Variants in PRIM2 observed in about 807,000 individuals in gnomAD.
PRIM2 encodes DNA primase subunit 2.
Under a neutral mutation model 67.3 loss-of-function variants are expected in PRIM2, and 39 were observed. The observed-to-expected ratio is 0.58, with a 90% CI of 0.45 to 0.76. PRIM2 has a LOEUF of 0.76. PRIM2 is among the 30% of genes least tolerant of loss of function. PRIM2 has a pLI of 0.00. For missense variants in PRIM2, 398 were observed against 598.7 expected (o/e 0.66, Z 3.50); for synonymous variants, 143 against 198.7 (o/e 0.72, Z 2.36).
At chr6:57,236,614 G>A in the PRIM2 span, among the ~76,000 whole-genome samples, 1 of 151,454 alleles carries the variant, frequency 6.6e-6, no homozygotes, top group South Asian at 2.1e-4. Context: ...CCCTTCCTGT[G>A]TCCAGGTGTT....
the PRIM2 span, among the ~76,000 whole-genome samples, chr6:57,279,925 C>T: frequency 3.9e-5 from 6 of 152,102 alleles, no homozygotes; most frequent in African/African-American, 1.4e-4. Context: ...GAGGAATTTC[C>T]AGACTGAAGA....
chr6:57,266,574 A>G, the PRIM2 span, among the ~76,000 whole-genome samples: 1 of 152,208 alleles, frequency 6.6e-6, no homozygotes, highest in Non-Finnish European at 1.5e-5. Context: ...TCATTTAACC[A>G]TGTGGATAAT....
chr6:57,516,359 C>T (rs1353881311), intron 8 of PRIM2, among the ~76,000 whole-genome samples: 1 of 152,128 alleles, frequency 6.6e-6, no homozygotes, highest in Admixed American at 6.6e-5. Context: ...GGAGTGAAAA[C>T]AGCTTTTTGT....
intron 11 of PRIM2, 136 bp from the exon 12 acceptor site, chr6:57,606,239 C>T (rs1377173319): frequency 7.6e-6 from 5 of 654,714 alleles, no homozygotes; most frequent in South Asian, 1.9e-5. Flanking sequence ...GCAGTTGCAC[C>T]CATGGGCAAT....
the PRIM2 span, among the ~76,000 whole-genome samples, chr6:57,294,897 C>T: frequency 2.6e-5 from 4 of 151,826 alleles, no homozygotes; most frequent in African/African-American, 9.7e-5. Flanking sequence ...GCAACCTCCA[C>T]CTCCCGGATT....
intron 8 of PRIM2, among the ~76,000 whole-genome samples, chr6:57,525,938 G>GT (rs1337621447): frequency 1.3e-5 from 2 of 152,074 alleles, no homozygotes; most frequent in Non-Finnish European, 2.9e-5. Flanking sequence ...TGTGTGTGGT[G>GT]TTTTTTTATT....
intron 10 of PRIM2, among the ~76,000 whole-genome samples, chr6:57,572,164 A>T (rs1255368854): frequency 2.0e-5 from 3 of 152,198 alleles, no homozygotes; most frequent in Non-Finnish European, 4.4e-5. Flanking sequence ...CTTTAAGGGA[A>T]GAAAAAGTTT....
chr6:57,416,605 A>G (rs1459369913), intron 7 of PRIM2, among the ~76,000 whole-genome samples: 2 of 152,182 alleles, frequency 1.3e-5, no homozygotes, highest in Non-Finnish European at 2.9e-5. Context: ...TTCTTCCAGT[A>G]TTAGGCAGTT....
At chr6:57,590,597 G>T (rs1776267112) in intron 10 of PRIM2, among the ~76,000 whole-genome samples, 2 of 152,152 alleles carry the variant, frequency 1.3e-5, no homozygotes, top group African/African-American at 4.8e-5. Flanking sequence ...AGGGTGATAA[G>T]ATACCAAGGG....
At chr6:57,251,092 CTGTT>C in the PRIM2 span, among the ~76,000 whole-genome samples, 10 of 152,092 alleles carry the variant, frequency 6.6e-5, no homozygotes, top group Admixed American at 6.6e-4. Context: ...GTCTTCTTTT[CTGTT>C]TCTTTCCTAC....
At chr6:57,481,070 G>T (rs1266832996) in intron 7 of PRIM2, among the ~76,000 whole-genome samples, 1 of 152,166 alleles carries the variant, frequency 6.6e-6, no homozygotes, top group East Asian at 1.9e-4. Flanking sequence ...CACTCAGTTT[G>T]CCCGAGTGGT....
the PRIM2 span, among the ~76,000 whole-genome samples, chr6:57,267,754 T>G: frequency 5.3e-5 from 8 of 150,138 alleles, no homozygotes; most frequent in East Asian, 1.4e-3. Flanking sequence ...ACAAAAAAAT[T>G]TTAAAATTAG....
intron 12 of PRIM2, among the ~76,000 whole-genome samples, chr6:57,627,199 G>C (rs1432303689): frequency 2.2e-5 from 3 of 133,886 alleles, no homozygotes; most frequent in African/African-American, 8.3e-5. Context: ...AGAATCACTT[G>C]AACCCGGGAG....
At chr6:57,621,465 T>C (rs1264950060) in intron 12 of PRIM2, among the ~76,000 whole-genome samples, 1 of 149,024 alleles carries the variant, frequency 6.7e-6, no homozygotes, top group Non-Finnish European at 1.5e-5. Flanking sequence ...TTCCCATCAC[T>C]TTTTTTTTTG....
chr6:57,299,214 G>A, the PRIM2 span, among the ~76,000 whole-genome samples: 37 of 152,106 alleles, frequency 2.4e-4, no homozygotes, highest in South Asian at 1.0e-3. Flanking sequence ...GTATTATCTC[G>A]ATGAGTGGTT....
chr6:57,553,904 G>A (rs1357258612), intron 10 of PRIM2, among the ~76,000 whole-genome samples: 8 of 152,106 alleles, frequency 5.3e-5, no homozygotes, highest in Non-Finnish European at 8.8e-5. Flanking sequence ...GGGACAAGAT[G>A]ATTTCCCCAA....
intron 7 of PRIM2, among the ~76,000 whole-genome samples, chr6:57,427,850 T>A (rs1771683523): frequency 6.6e-6 from 1 of 152,180 alleles, no homozygotes; most frequent in Non-Finnish European, 1.5e-5. Flanking sequence ...AGTTTGTATA[T>A]TGTAATGCTG....
chr6:57,272,977 G>A, the PRIM2 span, among the ~76,000 whole-genome samples: 1 of 152,306 alleles, frequency 6.6e-6, no homozygotes, highest in Admixed American at 6.5e-5. Flanking sequence ...TGGCTTGTGG[G>A]GTTTCTGCTG....
chr6:57,295,346 A>T, the PRIM2 span, among the ~76,000 whole-genome samples: 1 of 130,070 alleles, frequency 7.7e-6, no homozygotes, highest in African/African-American at 2.9e-5. Context: ...TGAATTTTAT[A>T]AAAAAAAAAA....
Sources: gnomAD v4.1 joint callset for allele counts (sites outside exome capture counted in the v4.1 genomes callset) on GRCh38, gnomAD v4.1.1 for gene constraint, MANE v1.5 for transcripts, NCBI Gene and HGNC (gene_info 2026-07-23, HGNC 2026-07-21) for gene names.